KIAA0586: variants seen among roughly 807,000 people sequenced by gnomAD.
The protein encoded by KIAA0586 is protein TALPID3.
A neutral mutation model predicts 169.8 loss-of-function variants in KIAA0586; 144 were observed. That is an observed-to-expected ratio of 0.85 (90% CI 0.74 to 0.97). KIAA0586 has a LOEUF of 0.97. KIAA0586 is among the 50% of genes least tolerant of loss of function. The pLI is 0.00. For missense variants in KIAA0586, 1,854 were observed against 1,823.0 expected (o/e 1.02, Z -0.31); for synonymous variants, 625 against 612.4 (o/e 1.02, Z -0.30).
rs768264016 is a variant in KIAA0586 at position 58,428,271 on chromosome 14, G to C, written c.7G>C (p.Gly3Arg). MK[G>R]SEVSLEKKKK... ...TTGTTTTGTGACCAACAATATGAAAGGCTCTGAGGTCAGCTTGGAGAAGAA... is the reference window on the plus strand; with the variant it reads ...TTGTTTTGTGACCAACAATATGAAACGCTCTGAGGTCAGCTTGGAGAAGAA... The change falls in exon 1 of 31, where the codon GGC becomes CGC. Residue 3 changes from glycine to arginine, a missense_variant. Transcript: ENST00000652326. 7 of 1,613,376 alleles carry C rather than the reference G, an allele frequency of 4.3e-6. No homozygotes were observed. Among genetic ancestry groups the C allele is most frequent in the East Asian group, 2.2e-5 (1 of 44,866 alleles).
At chr14:58,437,004 ATTTC>A (rs2037879305) in intron 4 of KIAA0586, among the ~76,000 whole-genome samples, 1 of 152,202 alleles carries the variant, frequency 6.6e-6, no homozygotes, top group Non-Finnish European at 1.5e-5. Context: ...AATTAGATAT[ATTTC>A]TTAAAATACT....
intron 13 of KIAA0586, among the ~76,000 whole-genome samples, chr14:58,460,288 C>G (rs759702502): frequency 3.9e-5 from 6 of 151,924 alleles, no homozygotes; most frequent in Admixed American, 3.3e-4. Context: ...GATCTCACAC[C>G]CTGGCATCAT....
At chr14:58,484,530 C>G (rs1232026199) in intron 21 of KIAA0586, among the ~76,000 whole-genome samples, 1 of 151,844 alleles carries the variant, frequency 6.6e-6, no homozygotes, top group East Asian at 1.9e-4. Flanking sequence ...TAAATAAACA[C>G]TCAGTTACTA....
chr14:58,464,041 G>T, intron 14 of KIAA0586: 1 of 444,324 alleles, frequency 2.3e-6, no homozygotes, highest in Non-Finnish European at 4.6e-6. Context: ...CCAGATAATT[G>T]GGAGAATTGA....
the KIAA0586 span, among the ~76,000 whole-genome samples, chr14:58,559,452 T>A: frequency 6.6e-6 from 1 of 152,150 alleles, no homozygotes; most frequent in Non-Finnish European, 1.5e-5. Context: ...GTGTAAGTAT[T>A]CTCAGTTTCT....
intron 29 of KIAA0586, among the ~76,000 whole-genome samples, chr14:58,537,860 G>A (rs762932144): frequency 6.6e-6 from 1 of 152,272 alleles, no homozygotes; most frequent in East Asian, 1.9e-4. Context: ...TGTTAGCCAG[G>A]ATGGTCTCGA....
In KIAA0586 at chr14:58,482,565, T is replaced by G. The variant is rs1284387922; in HGVS notation, c.2997T>G (p.Pro999=). Residue 999 remains proline (P), a synonymous_variant, in exon 21 of 31, where the codon CCT becomes CCG. Coordinates refer to ENST00000652326, the MANE Select transcript of KIAA0586 (RefSeq NM_001329943.3). ...AGCTTTTTGTTGATGCTGGTGTTCC[T>G]GTGAACTCAAATGTGATTAAACATT... ...ALQLFVDAGV[P]VNSNVIKHFV... 5 of 1,592,002 alleles carry G rather than the reference T, an allele frequency of 3.1e-6. No homozygotes were observed. Among genetic ancestry groups the G allele is most frequent in the Admixed American group, 1.7e-5 (1 of 58,146 alleles).
At chr14:58,503,469 A>G (rs10143155) in intron 27 of KIAA0586, among the ~76,000 whole-genome samples, 2 of 152,198 alleles carry the variant, frequency 1.3e-5, no homozygotes, top group African/African-American at 4.8e-5. Context: ...TTGTTCATTT[A>G]CTTATTCAGA....
chr14:58,492,159 A>G lies in KIAA0586; in HGVS notation c.3874A>G (p.Ser1292Gly), dbSNP rs1021544998. Reference protein sequence around the residue: ...DAVEMEDDPPSEGQVIRMSHK... With the variant: ...DAVEMEDDPPGEGQVIRMSHK... ...TTTCTTTTAGGAGGATGATCCTCCT[A>G]GTGAAGGGCAAGTGATTAGGATGTC... The change falls in exon 26 of 31, where the codon AGT (serine) becomes GGT (glycine). Residue 1292 changes from serine (S) to glycine (G), a missense_variant. Physicochemically the swap from Ser to Gly is moderately conservative, Grantham distance 56. Coordinates refer to ENST00000652326, the MANE Select transcript of KIAA0586 (RefSeq NM_001329943.3). The G allele has an allele frequency of 1.3e-6, 2 of 1,540,794 alleles. No individual in the cohort carries two copies.
chr14:58,430,545 C>A, intron 2 of KIAA0586, 103 bp from the exon 3 acceptor site: 2 of 654,588 alleles, frequency 3.1e-6, no homozygotes, highest in Non-Finnish European at 5.4e-6. Flanking sequence ...ATACACAGTC[C>A]TGCCCTCCCA....
At chr14:58,519,178 A>G (rs2045000838) in intron 29 of KIAA0586, among the ~76,000 whole-genome samples, 1 of 152,198 alleles carries the variant, frequency 6.6e-6, no homozygotes. Context: ...CATTTACCAG[A>G]GGTTTGCTAG....
intron 28 of KIAA0586, 105 bp from the exon 29 acceptor site, chr14:58,512,417 C>A: frequency 1.6e-6 from 1 of 606,946 alleles, no homozygotes; most frequent in Non-Finnish European, 2.7e-6. Context: ...AACTAGAAAG[C>A]AAGCATATTA....
downstream of KIAA0586, among the ~76,000 whole-genome samples, chr14:58,553,304 G>C (rs1022999813): frequency 6.6e-6 from 1 of 152,192 alleles, no homozygotes; most frequent in Non-Finnish European, 1.5e-5. Flanking sequence ...TATGATTTGA[G>C]TGTTGCCTGG....
At chr14:58,455,831 C>T (rs900784522) in intron 9 of KIAA0586, among the ~76,000 whole-genome samples, 1 of 152,086 alleles carries the variant, frequency 6.6e-6, no homozygotes, top group African/African-American at 2.4e-5. Flanking sequence ...AGGACCTTCC[C>T]AGGTCTCTCT....
At chr14:58,489,793 C>G (rs1432644174) in intron 24 of KIAA0586, among the ~76,000 whole-genome samples, 1 of 100,816 alleles carries the variant, frequency 9.9e-6, no homozygotes, top group Non-Finnish European at 2.0e-5. Flanking sequence ...GCATCACCAA[C>G]ATGCTTTCTA....
At chr14:58,464,784 C>T (rs950890029) in intron 14 of KIAA0586, among the ~76,000 whole-genome samples, 1 of 152,102 alleles carries the variant, frequency 6.6e-6, no homozygotes, top group South Asian at 2.1e-4. Context: ...GAGATGGTAA[C>T]TAAGTTATTA....
chr14:58,436,623 A>G (rs1054558709), intron 4 of KIAA0586, among the ~76,000 whole-genome samples: 3 of 152,210 alleles, frequency 2.0e-5, no homozygotes, highest in African/African-American at 4.8e-5. Flanking sequence ...CTAGAAGAAC[A>G]TACTGTTGAG....
At chr14:58,520,557 T>C (rs1047735853) in intron 29 of KIAA0586, among the ~76,000 whole-genome samples, 4 of 152,116 alleles carry the variant, frequency 2.6e-5, no homozygotes, top group African/African-American at 9.7e-5. Flanking sequence ...AATTTTGCTC[T>C]GTCACCCAGG....
chr14:58,448,899 C>T (rs920719197), intron 7 of KIAA0586, among the ~76,000 whole-genome samples: 3 of 152,042 alleles, frequency 2.0e-5, no homozygotes, highest in African/African-American at 7.2e-5. Context: ...TTTGCTCTTT[C>T]TTGATTCTGT....
Sources: gnomAD v4.1 joint callset for allele counts (sites outside exome capture counted in the v4.1 genomes callset) on GRCh38, gnomAD v4.1.1 for gene constraint, MANE v1.5 for transcripts, NCBI Gene and HGNC (gene_info 2026-07-23, HGNC 2026-07-21) for gene names.